RAB11FIP4: variants seen among roughly 807,000 people sequenced by gnomAD.
RAB11FIP4 encodes the protein RAB11 family interacting protein 4.
A neutral mutation model predicts 74.3 loss-of-function variants in RAB11FIP4; 23 were observed. The ratio of observed to expected loss-of-function variants is 0.31; its 90% CI spans 0.22 to 0.44. RAB11FIP4 has a LOEUF of 0.44. Ranked by LOEUF, RAB11FIP4 falls within the 20% of genes least tolerant of loss-of-function variation. The probability of loss-of-function intolerance (pLI) is 1.00; values close to 1 mark genes in which losing one functional copy is unlikely to be tolerated. For missense variants in RAB11FIP4, 630 were observed against 863.9 expected, an observed-to-expected ratio of 0.73 and a Z score of 3.39; for synonymous variants, 360 against 359.9, an observed-to-expected ratio of 1.00 and a Z score of 0.00.
intron 1 of RAB11FIP4, among the ~76,000 whole-genome samples, chr17:31,406,386 G>A (rs1232968161): frequency 1.3e-5 from 2 of 152,180 alleles, no homozygotes; most frequent in South Asian, 2.1e-4. Flanking sequence ...TCCAGGGCCT[G>A]TCTGCTCATT....
chr17:31,427,363 C>G (rs2071263386), intron 1 of RAB11FIP4, among the ~76,000 whole-genome samples: 2 of 152,332 alleles, frequency 1.3e-5, no homozygotes, highest in South Asian at 4.1e-4. Flanking sequence ...CCCCCGGTTG[C>G]AGCTTGGGCC....
chr17:31,416,628 G>C (rs1173207110), intron 1 of RAB11FIP4, among the ~76,000 whole-genome samples: 1 of 152,210 alleles, frequency 6.6e-6, no homozygotes, highest in Admixed American at 6.5e-5. Flanking sequence ...TAAACAAGCA[G>C]CTGGAGCATC....
intron 1 of RAB11FIP4, among the ~76,000 whole-genome samples, chr17:31,402,742 C>G (rs975769868): frequency 2.6e-5 from 4 of 151,944 alleles, no homozygotes; most frequent in Non-Finnish European, 4.4e-5. Flanking sequence ...CTGCCTCAGC[C>G]TCCCAAGTAG....
chr17:31,464,964 G>A (rs1209157533), intron 3 of RAB11FIP4, among the ~76,000 whole-genome samples: 1 of 151,416 alleles, frequency 6.6e-6, no homozygotes, highest in Non-Finnish European at 1.5e-5. Flanking sequence ...TCGCCATGTT[G>A]CCCAGGCTGG....
intron 1 of RAB11FIP4, among the ~76,000 whole-genome samples, chr17:31,396,364 T>C (rs1009287434): frequency 6.6e-6 from 1 of 152,058 alleles, no homozygotes; most frequent in African/African-American, 2.4e-5. Flanking sequence ...TATTGCATTG[T>C]CTCCCTAACC....
chr17:31,481,261 C>T (rs931413604), intron 3 of RAB11FIP4, among the ~76,000 whole-genome samples: 5 of 152,104 alleles, frequency 3.3e-5, no homozygotes, highest in Non-Finnish European at 7.3e-5. Flanking sequence ...TGGCTTCCAC[C>T]GTGACATTCG....
At position 31,534,368 on chromosome 17, in the gene RAB11FIP4, A is replaced by G. The variant is rs1174762321; in HGVS notation, c.*2636A>G. 1.3e-5 allele frequency: 2 copies of G among 152,156 alleles called. No homozygotes were observed. Among genetic ancestry groups the G allele is most frequent in the African/African-American group, 2.4e-5 (1 of 41,422 alleles). 9.4% of individuals were successfully genotyped at this position (152,156 alleles called of 1,614,324 possible). A position where few individuals can be genotyped will look rare whatever the true frequency, so the allele number is the denominator to read the frequency against. ...CCACAACCTTGAACTCCCAGGCTCAAGCGATCCTCCCGCCTTAACTGCCTG... is the reference window on the plus strand; with the variant it reads ...CCACAACCTTGAACTCCCAGGCTCAGGCGATCCTCCCGCCTTAACTGCCTG... On this transcript the variant is annotated 3_prime_UTR_variant, in exon 15 of 15. Transcript: ENST00000621161.
chr17:31,453,666 A>G (rs1308075126), intron 3 of RAB11FIP4, among the ~76,000 whole-genome samples: 3 of 151,750 alleles, frequency 2.0e-5, no homozygotes, highest in Non-Finnish European at 4.4e-5. Context: ...CTCTGCTAAA[A>G]ATACAAAAAT....
chr17:31,402,598 T>TTTTATTTATTTATTTA (rs3058625), intron 1 of RAB11FIP4, among the ~76,000 whole-genome samples: 2,489 of 142,774 alleles, frequency 0.017, 25 homozygotes, highest in Non-Finnish European at 0.024. Flanking sequence ...TTTTATTTAT[T>TTTTATTTATTTATTTA]TTTATTTATT....
intron 3 of RAB11FIP4, among the ~76,000 whole-genome samples, chr17:31,478,280 A>AC (rs2071814530): frequency 6.6e-6 from 1 of 152,134 alleles, no homozygotes. Flanking sequence ...GGCATGAGCC[A>AC]CCGTGCCTGG....
intron 1 of RAB11FIP4, among the ~76,000 whole-genome samples, chr17:31,393,626 G>A (rs751541554): frequency 5.3e-5 from 8 of 152,144 alleles, no homozygotes; most frequent in Admixed American, 1.3e-4. Flanking sequence ...AGTCATCACC[G>A]TTCTGCACGG....
chr17:31,421,751 G>T (rs2071202203), intron 1 of RAB11FIP4, among the ~76,000 whole-genome samples: 1 of 151,226 alleles, frequency 6.6e-6, no homozygotes, highest in South Asian at 2.1e-4. Flanking sequence ...TAGGGATGGG[G>T]TTTCACTATG....
At chr17:31,484,691 A>G (rs2071884176) in intron 3 of RAB11FIP4, among the ~76,000 whole-genome samples, 1 of 152,046 alleles carries the variant, frequency 6.6e-6, no homozygotes, top group Admixed American at 6.6e-5. Flanking sequence ...CCTTCCCTCA[A>G]AAGTCAGGGT....
chr17:31,433,904 G>T, intron 2 of RAB11FIP4, 130 bp from the exon 3 acceptor site: 1 of 817,060 alleles, frequency 1.2e-6, no homozygotes, highest in Non-Finnish European at 2.0e-6. Context: ...CCAGTGCTCA[G>T]CTGGCCTCCT....
intron 4 of RAB11FIP4, chr17:31,518,669 G>C (rs1331133724): frequency 6.6e-6 from 1 of 150,566 alleles, no homozygotes; most frequent in Non-Finnish European, 1.5e-5. Context: ...TCAGTAGTAG[G>C]ATCACACCTG....
intron 3 of RAB11FIP4, chr17:31,448,277 G>C (rs1208717964): frequency 6.6e-6 from 1 of 150,870 alleles, no homozygotes; most frequent in South Asian, 2.1e-4. Flanking sequence ...GTCTTGCTCT[G>C]TTACTCAGGC....
chr17:31,464,005 G>C (rs966638806), intron 3 of RAB11FIP4, among the ~76,000 whole-genome samples: 1 of 151,396 alleles, frequency 6.6e-6, no homozygotes, highest in Admixed American at 6.6e-5. Context: ...GTAGAGGCAG[G>C]GTTTTGCCAT....
chr17:31,470,845 G>A (rs2071729661), intron 3 of RAB11FIP4, among the ~76,000 whole-genome samples: 1 of 152,300 alleles, frequency 6.6e-6, no homozygotes, highest in African/African-American at 2.4e-5. Flanking sequence ...CTTGCCAGCT[G>A]AGTCATGGCA....
At chr17:31,410,042 C>T (rs1402749761) in intron 1 of RAB11FIP4, among the ~76,000 whole-genome samples, 1 of 152,104 alleles carries the variant, frequency 6.6e-6, no homozygotes, top group Non-Finnish European at 1.5e-5. Flanking sequence ...CTTCCTGGTG[C>T]CTCACCTGCG....
Sources: allele counts gnomAD v4.1 joint callset (sites outside exome capture counted in the v4.1 genomes callset), GRCh38; gene constraint gnomAD v4.1.1; transcripts MANE v1.5; gene names NCBI Gene and HGNC (gene_info 2026-07-23, HGNC 2026-07-21).